The following PTPRD variants were observed in gnomAD, a reference collection of about 807,000 sequenced individuals.
The protein encoded by PTPRD is protein tyrosine phosphatase receptor type D.
A neutral mutation model predicts 214.5 loss-of-function variants in PTPRD; 34 were observed. The observed-to-expected ratio is 0.16, with a 90% CI of 0.12 to 0.21. PTPRD has a LOEUF of 0.21. Among genes scored for constraint, PTPRD ranks in the 10% least tolerant of loss-of-function variants. The pLI is 1.00. For synonymous variants in PTPRD, 1,128 were observed against 845.7 expected (o/e 1.33, Z -5.79); for missense variants, 2,545 against 2,398.7 (o/e 1.06, Z -1.27).
At chr9:8,825,934 C>T (rs189654406) in intron 11 of PTPRD, among the ~76,000 whole-genome samples, 17 of 152,244 alleles carry the variant, frequency 1.1e-4, no homozygotes, top group East Asian at 5.8e-4. Context: ...CCTACTGTAA[C>T]CTGTTTTATC....
At chr9:9,394,422 C>A (rs2066985370) in intron 9 of PTPRD, among the ~76,000 whole-genome samples, 1 of 152,124 alleles carries the variant, frequency 6.6e-6, no homozygotes, top group South Asian at 2.1e-4. Context: ...ATACATGGAT[C>A]AATTCACAAC....
intron 10 of PTPRD, among the ~76,000 whole-genome samples, chr9:9,062,135 G>C (rs1183963476): frequency 6.6e-6 from 1 of 152,100 alleles, no homozygotes; most frequent in Non-Finnish European, 1.5e-5. Flanking sequence ...TTACTTAGCA[G>C]CATAAAATTT....
chr9:10,044,941 T>C (rs1385930454), intron 3 of PTPRD, among the ~76,000 whole-genome samples: 1 of 151,668 alleles, frequency 6.6e-6, no homozygotes, highest in Non-Finnish European at 1.5e-5. Context: ...TCAATGAGAG[T>C]CAACTAATAA....
At chr9:9,457,142 C>A (rs987280922) in intron 8 of PTPRD, among the ~76,000 whole-genome samples, 1 of 151,788 alleles carries the variant, frequency 6.6e-6, no homozygotes, top group African/African-American at 2.4e-5. Flanking sequence ...TACAAGGGAG[C>A]AAAGGAAGAC....
chr9:9,370,098 T>C (rs2059042425), intron 9 of PTPRD, among the ~76,000 whole-genome samples: 1 of 152,158 alleles, frequency 6.6e-6, no homozygotes, highest in African/African-American at 2.4e-5. Context: ...ATGCGGGCTC[T>C]TTTTTCGTTC....
At chr9:8,628,884 CAAT>C (rs1399928415) in intron 14 of PTPRD, among the ~76,000 whole-genome samples, 2 of 151,666 alleles carry the variant, frequency 1.3e-5, no homozygotes, top group Non-Finnish European at 2.9e-5. Flanking sequence ...CATGTTTAGA[CAAT>C]AATTGTACTG....
rs1821613731 is a variant in PTPRD, at chr9:8,316,162, C to A, written c.*1712G>T. The stretch of plus-strand genomic sequence containing the variant: ...GCCCTGATTATCCAAGTGCTTTGGG[C>A]TGGTACAATCACTAACATCCCCGAC... On this transcript the variant is annotated 3_prime_UTR_variant, in exon 46 of 46. Coordinates refer to ENST00000381196, the MANE Select transcript of PTPRD (RefSeq NM_002839.4). 4.4e-6 allele frequency: 1 copy of A among 229,542 alleles called. No individual in the cohort carries two copies. Among genetic ancestry groups the A allele is most frequent in the Non-Finnish European group, 8.6e-6 (1 of 115,630 alleles). 14.2% of individuals were successfully genotyped at this position (229,542 alleles called of 1,614,324 possible). A position where few individuals can be genotyped will look rare whatever the true frequency, so the allele number is the denominator to read the frequency against.
intron 14 of PTPRD, among the ~76,000 whole-genome samples, chr9:8,631,637 G>A (rs768497264): frequency 5.9e-5 from 9 of 151,788 alleles, no homozygotes; most frequent in Non-Finnish European, 1.2e-4. Context: ...AATCTCACTT[G>A]TATGCAGAAA....
Position 10,587,223 on chromosome 9 carries a change from A to G in PTPRD, c.-600+25175T>C, listed in dbSNP as rs912417917. 3.9e-4 allele frequency among the ~76,000 whole-genome samples: 59 copies of G among 152,220 alleles called. 1 individual carries two copies. The highest frequency in any genetic ancestry group is 1.4e-3 in the African/African-American group (57 of 41,568). On this transcript the variant is annotated intron_variant, in intron 2 of 45. Transcript: ENST00000381196. The stretch of plus-strand genomic sequence containing the variant: ...TTCAGCTGTAAGGAAGCTGCAAAGA[A>G]CAGCTCAGGCATCTGCCGCCCTGCC...
chr9:10,188,500 A>G (rs2099347907), intron 3 of PTPRD, among the ~76,000 whole-genome samples: 1 of 151,804 alleles, frequency 6.6e-6, no homozygotes, highest in Admixed American at 6.6e-5. Context: ...AAATCATTCA[A>G]CTTAGTCTTC....
intron 3 of PTPRD, among the ~76,000 whole-genome samples, chr9:10,136,503 T>C (rs1215301171): frequency 1.3e-5 from 2 of 152,118 alleles, no homozygotes; most frequent in African/African-American, 2.4e-5. Context: ...TCTAAATAAA[T>C]TCCAAAAAAT....
chr9:8,450,117 G>A (rs1447587661), intron 33 of PTPRD, among the ~76,000 whole-genome samples: 2 of 152,088 alleles, frequency 1.3e-5, no homozygotes, highest in Non-Finnish European at 2.9e-5. Context: ...AAGGGATCTT[G>A]GTGAGATACG....
intron 9 of PTPRD, among the ~76,000 whole-genome samples, chr9:9,358,662 T>C (rs1284510697): frequency 1.3e-5 from 2 of 151,266 alleles, no homozygotes; most frequent in African/African-American, 4.8e-5. Context: ...AGCTTAGCTA[T>C]TCTATATCTC....
intron 7 of PTPRD, among the ~76,000 whole-genome samples, chr9:9,618,642 G>C (rs2095050393): frequency 6.6e-6 from 1 of 152,124 alleles, no homozygotes; most frequent in Admixed American, 6.6e-5. Flanking sequence ...AAAGTAGTAA[G>C]ATAATACATT....
intron 11 of PTPRD, among the ~76,000 whole-genome samples, chr9:8,952,839 C>G (rs776537426): frequency 6.6e-6 from 1 of 151,618 alleles, no homozygotes; most frequent in Non-Finnish European, 1.5e-5. Flanking sequence ...TTTTTTTGCT[C>G]ACTCTCAATA....
At chr9:8,340,646 G>T (rs932225650) in intron 41 of PTPRD, among the ~76,000 whole-genome samples, 177 bp from the exon 42 acceptor site, 3 of 152,080 alleles carry the variant, frequency 2.0e-5, no homozygotes, top group Non-Finnish European at 2.9e-5. Flanking sequence ...ACATTTTGGG[G>T]ACTTCGCAAA....
At chr9:8,775,875 T>C (rs1234924731) in intron 11 of PTPRD, among the ~76,000 whole-genome samples, 2 of 150,652 alleles carry the variant, frequency 1.3e-5, no homozygotes, top group East Asian at 1.9e-4. Context: ...TCTGCAGGAA[T>C]GAAGAATAGT....
Position 10,588,427 on chromosome 9 carries a change from TACACAC to T in PTPRD, c.-600+23965_-600+23970del, listed in dbSNP as rs3076471. Among the ~76,000 whole-genome samples the T allele has an allele frequency of 6.1e-5, 9 of 146,710 alleles. No homozygotes were observed. In the South Asian group the frequency reaches 8.8e-4, roughly 14 times the overall value. On this transcript the variant is annotated intron_variant, in intron 2 of 45. Transcript: ENST00000381196. ...ATGAAGGTGTCATTTTGGCTTATTG[TACACAC>T]ACACACACACACACACACACACTCA... is the stretch of plus-strand genomic sequence containing the variant.
intron 35 of PTPRD, among the ~76,000 whole-genome samples, chr9:8,414,176 A>G (rs1441926177): frequency 6.6e-6 from 1 of 152,110 alleles, no homozygotes; most frequent in Non-Finnish European, 1.5e-5. Context: ...ACAAATATAT[A>G]TTGGAATAGA....
Sources: allele counts gnomAD v4.1 joint callset (sites outside exome capture counted in the v4.1 genomes callset), GRCh38; gene constraint gnomAD v4.1.1; transcripts MANE v1.5; gene names NCBI Gene and HGNC (gene_info 2026-07-23, HGNC 2026-07-21).